The following PHYHIPL variants were observed in gnomAD, a reference collection of about 807,000 sequenced individuals.
PHYHIPL encodes phytanoyl-CoA 2-hydroxylase interacting protein like.
In PHYHIPL, 9 loss-of-function variants were observed where a neutral mutation model predicts 33.4. The observed-to-expected ratio is 0.27, with a 90% CI of 0.16 to 0.47. The LOEUF (loss-of-function observed/expected upper bound fraction) is 0.47. Ranked by LOEUF, PHYHIPL falls within the 20% of genes least tolerant of loss-of-function variation. The probability of loss-of-function intolerance (pLI) is 0.99; values close to 1 mark genes in which losing one functional copy is unlikely to be tolerated. For missense variants in PHYHIPL, 365 were observed against 460.7 expected (o/e 0.79, Z 1.90); for synonymous variants, 153 against 154.1 (o/e 0.99, Z 0.05).
chr10:59,182,172 T>C (rs1354711690), intron 1 of PHYHIPL, among the ~76,000 whole-genome samples: 1 of 152,204 alleles, frequency 6.6e-6, no homozygotes, highest in Admixed American at 6.5e-5. Context: ...TCTCTGCTTT[T>C]CTTTAGTAAA....
At chr10:59,238,771 T>C (rs1840305488) in intron 4 of PHYHIPL, 66 bp downstream of exon 4, 2 of 985,102 alleles carry the variant, frequency 2.0e-6, no homozygotes, top group Non-Finnish European at 3.1e-6. Flanking sequence ...GGCTCAGGTT[T>C]CCCTTGACTC....
chr10:59,208,710 A>C (rs1841386433), intron 1 of PHYHIPL, among the ~76,000 whole-genome samples: 1 of 152,026 alleles, frequency 6.6e-6, no homozygotes, highest in Non-Finnish European at 1.5e-5. Flanking sequence ...AACTAGAATA[A>C]CCAGTTTAGA....
intron 1 of PHYHIPL, chr10:59,177,177 G>C (rs1315665494): frequency 1.7e-6 from 1 of 600,634 alleles, no homozygotes; most frequent in Non-Finnish European, 2.8e-6. Flanking sequence ...GAAAGTAGCC[G>C]TCCACAACCG....
Position 59,184,495 on chromosome 10 carries a change from C to T in PHYHIPL, c.106+7536C>T, listed in dbSNP as rs116741545. On this transcript the variant is annotated intron_variant, in intron 1 of 4. Coordinates refer to ENST00000373880, the MANE Select transcript of PHYHIPL (RefSeq NM_032439.4). ...ATATTTCCAGGGTTTTGCGATTAGG[C>T]GAGTCAGGCAGAGAGATGTAGAGAC... 3.5e-3 allele frequency among the ~76,000 whole-genome samples: 531 copies of T among 152,066 alleles called. 7 individuals carry two copies. Among genetic ancestry groups the T allele is most frequent in the African/African-American group, 0.012 (515 of 41,466 alleles).
intron 2 of PHYHIPL, among the ~76,000 whole-genome samples, chr10:59,235,698 T>C (rs1589295751): frequency 6.6e-6 from 1 of 152,082 alleles, no homozygotes; most frequent in African/African-American, 2.4e-5. Flanking sequence ...AAACATTAAA[T>C]GATGAATTGT....
chr10:59,218,320 C>A (rs1001707607), intron 1 of PHYHIPL, among the ~76,000 whole-genome samples: 1 of 152,096 alleles, frequency 6.6e-6, no homozygotes, highest in East Asian at 1.9e-4. Context: ...TCAATTCACT[C>A]GTCCTGTTGT....
At chr10:59,191,632 C>T (rs1403401174) in intron 1 of PHYHIPL, among the ~76,000 whole-genome samples, 2 of 151,848 alleles carry the variant, frequency 1.3e-5, no homozygotes, top group African/African-American at 4.8e-5. Flanking sequence ...ATATTTTAGC[C>T]TTGAGTGACT....
rs750762204 is a variant in PHYHIPL at position 59,240,073 on chromosome 10, A to G, written c.596+1368A>G. On this transcript the variant is annotated intron_variant, in intron 4 of 4. Transcript: ENST00000373880. ...GTACTTAGCAATAGAATGTATTTTT[A>G]TATATTTTGATGGTGAAAAAATATT... Among the ~76,000 whole-genome samples the G allele has an allele frequency of 3.3e-5, 5 of 152,196 alleles. No individual in the cohort carries two copies. In the South Asian group the frequency reaches 8.3e-4, roughly 25 times the overall value.
At chr10:59,213,757 TAAACAAA>T (rs1839531902) in intron 1 of PHYHIPL, among the ~76,000 whole-genome samples, 1 of 152,146 alleles carries the variant, frequency 6.6e-6, no homozygotes, top group Admixed American at 6.5e-5. Flanking sequence ...AGCTTGATTT[TAAACAAA>T]AAACAAAAAA....
At chr10:59,189,089 A>G (rs1280843663) in intron 1 of PHYHIPL, among the ~76,000 whole-genome samples, 2 of 152,088 alleles carry the variant, frequency 1.3e-5, no homozygotes, top group African/African-American at 4.8e-5. Context: ...AAATTTATGT[A>G]AATATCATAT....
Position 59,238,608 on chromosome 10 carries a change from A to G in PHYHIPL, c.499A>G (p.Thr167Ala). The change falls in exon 4 of 5, where the codon ACA (threonine) becomes GCA (alanine). Residue 167 changes from threonine to alanine, a missense_variant. By Grantham distance (58) the Thr-to-Ala change is moderately conservative. Transcript: ENST00000373880. ...TCCAGACTATTCAAAAGTTCATCTA[A>G]CACAATTGTTGGAGAAGGCTGAAGT... is the stretch of plus-strand genomic sequence containing the variant. ...CTADYSKVHL[T>A]QLLEKAEVIA... 1 of 1,608,984 alleles carries G rather than the reference A, an allele frequency of 6.2e-7. No homozygotes were observed.
Position 59,246,729 on chromosome 10 carries a change from T to A in PHYHIPL, c.*1138T>A, listed in dbSNP as rs954639807. On this transcript the variant is annotated 3_prime_UTR_variant, in exon 5 of 5. Coordinates refer to ENST00000373880, the MANE Select transcript of PHYHIPL (RefSeq NM_032439.4). Reference sequence around the variant, plus strand: ...TACAGCTCATGGGAAATGTTTTGACTTTACAAAGTATAGATGTTGGAACAT... The same window carrying A: ...TACAGCTCATGGGAAATGTTTTGACATTACAAAGTATAGATGTTGGAACAT... 2.5e-6 allele frequency: 1 copy of A among 397,090 alleles called. No homozygotes were observed. Among genetic ancestry groups the A allele is most frequent in the Non-Finnish European group, 4.4e-6 (1 of 225,102 alleles). The allele number at this position is 397,090 out of a possible 1,614,324, so 24.6% of individuals were successfully genotyped here. A position where few individuals can be genotyped will look rare whatever the true frequency, so the allele number is the denominator to read the frequency against.
chr10:59,226,498 T>TGTGGTGGTG (rs965114964), intron 1 of PHYHIPL, among the ~76,000 whole-genome samples: 2 of 151,782 alleles, frequency 1.3e-5, no homozygotes, highest in Non-Finnish European at 2.9e-5. Flanking sequence ...TGAAAATGGT[T>TGTGGTGGTG]GTGGTGGTGG....
intron 1 of PHYHIPL, among the ~76,000 whole-genome samples, chr10:59,188,873 A>G (rs1589260834): frequency 6.6e-6 from 1 of 152,014 alleles, no homozygotes; most frequent in Non-Finnish European, 1.5e-5. Context: ...TGCACGTGAG[A>G]TGGGTTTCCT....
intron 1 of PHYHIPL, among the ~76,000 whole-genome samples, chr10:59,180,271 C>T (rs1016574237): frequency 7.3e-6 from 1 of 137,086 alleles, no homozygotes; most frequent in Non-Finnish European, 1.6e-5. Context: ...CACACACACA[C>T]ACACACATAC....
intron 4 of PHYHIPL, among the ~76,000 whole-genome samples, chr10:59,244,151 G>A (rs11006414): frequency 0.75 from 114,163 of 151,976 alleles, 44,894 homozygotes; most frequent in East Asian, 0.9. Context: ...AGAGTCCCAG[G>A]TCACAGTGGA....
At position 59,185,751 on chromosome 10, in the gene PHYHIPL, C is replaced by T. The variant is rs571121515; in HGVS notation, c.106+8792C>T. ...CATTTTTTCATGTGTCTGTTGGCTG[C>T]GTAAATGTCTTCTTTTGAGAAGTGT... On this transcript the variant is annotated intron_variant, in intron 1 of 4. Coordinates refer to ENST00000373880, the MANE Select transcript of PHYHIPL (RefSeq NM_032439.4). Among the ~76,000 whole-genome samples, 591 of 152,250 alleles carry T rather than the reference C, an allele frequency of 3.9e-3. 5 individuals carry two copies. Among genetic ancestry groups the T allele is most frequent in the Non-Finnish European group, 6.6e-3 (451 of 68,012 alleles).
At chr10:59,204,466 G>T (rs1253548633) in intron 1 of PHYHIPL, among the ~76,000 whole-genome samples, 1 of 152,136 alleles carries the variant, frequency 6.6e-6, no homozygotes, top group Non-Finnish European at 1.5e-5. Flanking sequence ...AATTTCTCCT[G>T]TCAGTCGAAC....
intron 1 of PHYHIPL, among the ~76,000 whole-genome samples, chr10:59,227,400 A>G (rs1226280404): frequency 1.3e-5 from 2 of 151,998 alleles, no homozygotes; most frequent in African/African-American, 4.8e-5. Flanking sequence ...GTGAGAACTC[A>G]CTCCCATGAG....
Sources: allele counts gnomAD v4.1 joint callset (sites outside exome capture counted in the v4.1 genomes callset), GRCh38; gene constraint gnomAD v4.1.1; transcripts MANE v1.5; gene names NCBI Gene and HGNC (gene_info 2026-07-23, HGNC 2026-07-21).